Variants in NEGR1 observed in about 807,000 individuals in gnomAD.
NEGR1 encodes neuronal growth regulator 1, also known as IgLON family member 4.
Under a neutral mutation model 40.9 loss-of-function variants are expected in NEGR1, and 10 were observed. That is an observed-to-expected ratio of 0.24 (90% CI 0.15 to 0.42). NEGR1 has a LOEUF of 0.42. Ranked by LOEUF, NEGR1 falls within the 10% of genes least tolerant of loss-of-function variation. NEGR1 has a pLI of 1.00. For synonymous variants in NEGR1, 185 were observed against 166.8 expected, an observed-to-expected ratio of 1.11 and a Z score of -0.84; for missense variants, 352 against 438.9, an observed-to-expected ratio of 0.80 and a Z score of 1.77.
At chr1:71,799,941 T>C (rs925798588) in intron 2 of NEGR1, among the ~76,000 whole-genome samples, 1 of 152,178 alleles carries the variant, frequency 6.6e-6, no homozygotes, top group Non-Finnish European at 1.5e-5. Context: ...CTCGATCTCC[T>C]GTCCTCGTGA....
At chr1:72,055,786 A>G (rs774868570) in intron 1 of NEGR1, among the ~76,000 whole-genome samples, 3 of 146,352 alleles carry the variant, frequency 2.0e-5, no homozygotes, top group Non-Finnish European at 4.5e-5. Context: ...AATCTATAAT[A>G]TATTATATAT....
chr1:71,669,835 G>T (rs2101598541), intron 4 of NEGR1, among the ~76,000 whole-genome samples: 1 of 150,454 alleles, frequency 6.6e-6, no homozygotes, highest in South Asian at 2.1e-4. Flanking sequence ...ATTTTTAGTA[G>T]AGATAGGGAT....
At chr1:71,526,447 T>A (rs1291293217) in intron 6 of NEGR1, among the ~76,000 whole-genome samples, 2 of 151,456 alleles carry the variant, frequency 1.3e-5, no homozygotes, top group Non-Finnish European at 3.0e-5. Flanking sequence ...AATAAAACAC[T>A]GAATCTTTTG....
chr1:72,050,992 C>CT (rs1220958804), intron 1 of NEGR1, among the ~76,000 whole-genome samples: 1 of 151,400 alleles, frequency 6.6e-6, no homozygotes, highest in African/African-American at 2.4e-5. Context: ...CTAAGTAATT[C>CT]TTTTTTTCCT....
intron 1 of NEGR1, among the ~76,000 whole-genome samples, chr1:72,142,759 T>C (rs1309527119): frequency 1.3e-5 from 2 of 151,846 alleles, no homozygotes; most frequent in East Asian, 3.9e-4. Flanking sequence ...GTTTTTTTGT[T>C]TGTTTGTTTG....
chr1:71,528,696 A>G (rs1647273450), intron 6 of NEGR1, among the ~76,000 whole-genome samples: 1 of 151,284 alleles, frequency 6.6e-6, no homozygotes, highest in African/African-American at 2.4e-5. Context: ...TTTTTCAAAA[A>G]CAGTTCTGTT....
At chr1:71,657,276 G>A (rs2901616) in intron 4 of NEGR1, among the ~76,000 whole-genome samples, 72,373 of 151,542 alleles carry the variant, frequency 0.48, 17,333 homozygotes, top group Middle Eastern at 0.54. Flanking sequence ...GACCTTTAAA[G>A]AAAATGTAAT....
intron 1 of NEGR1, among the ~76,000 whole-genome samples, chr1:71,964,502 A>C (rs987450259): frequency 6.6e-6 from 1 of 152,140 alleles, no homozygotes; most frequent in Non-Finnish European, 1.5e-5. Context: ...TAGAGGTGCC[A>C]CACACATGAA....
In NEGR1 at chr1:71,869,811, G is replaced by A. The variant is rs542798828; in HGVS notation, c.409+65268C>T. On this transcript the variant is annotated intron_variant, in intron 2 of 6. Transcript: ENST00000357731. ...AATACTAACATTTTTATGATGATCT[G>A]TGATATTTAACAGTGGTCTTAATAT... 1.4e-4 allele frequency among the ~76,000 whole-genome samples: 21 copies of A among 151,516 alleles called. No individual in the cohort carries two copies. In the East Asian group the frequency reaches 4.1e-3, roughly 29 times the overall value.
At chr1:71,418,424 C>G (rs1186119570) in intron 6 of NEGR1, among the ~76,000 whole-genome samples, 4 of 151,962 alleles carry the variant, frequency 2.6e-5, no homozygotes, top group Non-Finnish European at 5.9e-5. Flanking sequence ...CGCCATTCTC[C>G]TGCCTCAGCC....
chr1:71,692,589 T>C (rs1448824103), intron 4 of NEGR1, among the ~76,000 whole-genome samples: 1 of 151,666 alleles, frequency 6.6e-6, no homozygotes, highest in Non-Finnish European at 1.5e-5. Context: ...TGGAGAAAAC[T>C]TTAGGAATAG....
chr1:71,922,034 T>C (rs560316581), intron 2 of NEGR1, among the ~76,000 whole-genome samples: 2 of 152,092 alleles, frequency 1.3e-5, no homozygotes, highest in South Asian at 2.1e-4. Context: ...CCTCAGAGAT[T>C]TGTAACAAGA....
At chr1:72,024,024 A>G (rs769109800) in intron 1 of NEGR1, among the ~76,000 whole-genome samples, 7 of 152,112 alleles carry the variant, frequency 4.6e-5, no homozygotes, top group Admixed American at 3.3e-4. Flanking sequence ...ATAAGCTATC[A>G]TATTTCCAAA....
intron 1 of NEGR1, among the ~76,000 whole-genome samples, chr1:72,117,755 A>G (rs530109721): frequency 5.3e-5 from 8 of 151,932 alleles, no homozygotes; most frequent in East Asian, 1.9e-4. Context: ...CTGGGGGTGG[A>G]CACCTGCTAG....
At chr1:71,862,127 T>C (rs1659967453) in intron 2 of NEGR1, among the ~76,000 whole-genome samples, 1 of 152,132 alleles carries the variant, frequency 6.6e-6, no homozygotes, top group South Asian at 2.1e-4. Context: ...AGTAATCATC[T>C]TTCTGAATGC....
intron 6 of NEGR1, among the ~76,000 whole-genome samples, chr1:71,570,240 T>G (rs1254272581): frequency 2.0e-5 from 3 of 152,184 alleles, no homozygotes; most frequent in Admixed American, 2.0e-4. Flanking sequence ...TGGCTTGGAT[T>G]TTTTTGTACA....
chr1:72,004,197 C>T (rs754243414), intron 1 of NEGR1, among the ~76,000 whole-genome samples: 25 of 151,594 alleles, frequency 1.6e-4, no homozygotes, highest in Non-Finnish European at 3.1e-4. Flanking sequence ...TATATATATA[C>T]ACACACACAT....
chr1:72,074,001 T>G (rs1402301984), intron 1 of NEGR1, among the ~76,000 whole-genome samples: 1 of 152,106 alleles, frequency 6.6e-6, no homozygotes, highest in Non-Finnish European at 1.5e-5. Flanking sequence ...AGGTAGCATA[T>G]TAAGAAAATA....
Position 71,405,042 on chromosome 1 carries a change from G to T in NEGR1, c.*2404C>A, listed in dbSNP as rs1646269667. 6.6e-6 allele frequency: 1 copy of T among 152,054 alleles called. No homozygotes were observed. Among genetic ancestry groups the T allele is most frequent in the African/African-American group, 2.4e-5 (1 of 41,372 alleles). The allele number at this position is 152,054 out of a possible 1,614,324, so 9.4% of individuals were successfully genotyped here. A position where few individuals can be genotyped will look rare whatever the true frequency, so the allele number is the denominator to read the frequency against. ...CTGCTGTGATACAGAAAAACATAGT[G>T]AATACCTCCTCTATTTAAAAATGTC... On this transcript the variant is annotated 3_prime_UTR_variant, in exon 7 of 7. Coordinates refer to ENST00000357731, the MANE Select transcript of NEGR1 (RefSeq NM_173808.3).
Sources: gnomAD v4.1 joint callset for allele counts (sites outside exome capture counted in the v4.1 genomes callset) on GRCh38, gnomAD v4.1.1 for gene constraint, MANE v1.5 for transcripts, NCBI Gene and HGNC (gene_info 2026-07-23, HGNC 2026-07-21) for gene names.